The following NCKAP5 variants were observed in gnomAD, a reference collection of about 807,000 sequenced individuals.
NCKAP5 encodes the protein nck-associated protein 5.
NCKAP5 carries 92 observed loss-of-function variants against 167.0 expected under a neutral mutation model. The ratio of observed to expected loss-of-function variants is 0.55; its 90% CI spans 0.47 to 0.66. NCKAP5 has a LOEUF of 0.66. Ranked by LOEUF, NCKAP5 falls within the 30% of genes least tolerant of loss-of-function variation. The pLI, the probability that NCKAP5 is intolerant of heterozygous loss-of-function variation, is 0.00. For synonymous variants in NCKAP5, 891 were observed against 877.4 expected, an observed-to-expected ratio of 1.02 and a Z score of -0.27; for missense variants, 2,378 against 2,315.0, an observed-to-expected ratio of 1.03 and a Z score of -0.56.
intron 5 of NCKAP5, among the ~76,000 whole-genome samples, chr2:133,193,255 G>A (rs1049841531): frequency 2.0e-5 from 3 of 152,098 alleles, no homozygotes; most frequent in African/African-American, 7.2e-5. Flanking sequence ...AGGGCATGGG[G>A]AGAAGGGGAA....
intron 3 of NCKAP5, among the ~76,000 whole-genome samples, chr2:133,463,558 T>G (rs1433715045): frequency 6.6e-6 from 1 of 152,208 alleles, no homozygotes; most frequent in East Asian, 1.9e-4. Flanking sequence ...TGAGAACTAC[T>G]TGAAATAAAA....
intron 5 of NCKAP5, among the ~76,000 whole-genome samples, chr2:133,182,630 A>G (rs373952222): frequency 6.6e-6 from 1 of 152,306 alleles, no homozygotes; most frequent in East Asian, 1.9e-4. Flanking sequence ...AAGCAATGCC[A>G]TGAGGGAAAT....
At chr2:133,056,819 A>C (rs2079819159) in intron 6 of NCKAP5, among the ~76,000 whole-genome samples, 1 of 152,186 alleles carries the variant, frequency 6.6e-6, no homozygotes. Flanking sequence ...TTACACTTAG[A>C]TCTGTAGCTC....
intron 6 of NCKAP5, among the ~76,000 whole-genome samples, chr2:133,081,020 G>A (rs1342768778): frequency 1.3e-5 from 2 of 152,128 alleles, no homozygotes; most frequent in African/African-American, 2.4e-5. Context: ...TCTGCACAGT[G>A]TGGAGATACC....
At chr2:133,067,792 A>G (rs1340032399) in intron 6 of NCKAP5, among the ~76,000 whole-genome samples, 2 of 152,168 alleles carry the variant, frequency 1.3e-5, no homozygotes, top group Non-Finnish European at 2.9e-5. Flanking sequence ...TCCCTGGGAA[A>G]CAAACTCTGA....
chr2:132,955,423 C>A (rs72994869), intron 8 of NCKAP5, among the ~76,000 whole-genome samples: 2 of 152,074 alleles, frequency 1.3e-5, no homozygotes, highest in African/African-American at 4.8e-5. Flanking sequence ...GAGGCAGGGG[C>A]GCAGAAAGGT....
At chr2:133,163,674 G>A (rs2083889460) in intron 5 of NCKAP5, among the ~76,000 whole-genome samples, 3 of 152,214 alleles carry the variant, frequency 2.0e-5, no homozygotes, top group South Asian at 4.1e-4. Context: ...TAAAGGTGCA[G>A]TGAGGAACAG....
At chr2:133,012,654 T>C (rs1234268697) in intron 6 of NCKAP5, among the ~76,000 whole-genome samples, 1 of 152,140 alleles carries the variant, frequency 6.6e-6, no homozygotes, top group East Asian at 1.9e-4. Context: ...TTGCTCTCCC[T>C]TGCCTCCATG....
chr2:133,130,785 T>C (rs949536329), intron 5 of NCKAP5, among the ~76,000 whole-genome samples: 8 of 152,236 alleles, frequency 5.3e-5, no homozygotes, highest in Non-Finnish European at 2.9e-5. Context: ...AGCACACAGC[T>C]CAGATCCTCC....
chr2:132,852,784 C>T (rs11680119), intron 11 of NCKAP5, among the ~76,000 whole-genome samples: 26,425 of 152,108 alleles, frequency 0.17, 2,589 homozygotes, highest in East Asian at 0.31. Context: ...TTAGCTGTGA[C>T]CACACCCTAG....
chr2:132,723,138 G>GTTTTT (rs1165363788), intron 19 of NCKAP5, among the ~76,000 whole-genome samples: 1 of 133,422 alleles, frequency 7.5e-6, no homozygotes, highest in African/African-American at 3.0e-5. Context: ...GAGCCAGGTG[G>GTTTTT]TATTTTTTTT....
chr2:133,337,950 C>T (rs1480853872), intron 3 of NCKAP5, among the ~76,000 whole-genome samples: 3 of 152,148 alleles, frequency 2.0e-5, no homozygotes, highest in Non-Finnish European at 2.9e-5. Flanking sequence ...AGTTAATAAA[C>T]ACTATATAAT....
In NCKAP5 at chr2:133,462,069, T is replaced by C. The variant is rs539000712; in HGVS notation, c.69+55389A>G. On this transcript the variant is annotated intron_variant, in intron 3 of 19. Coordinates refer to ENST00000409261, the MANE Select transcript of NCKAP5 (RefSeq NM_207363.3). ...TTTGAAGTCTGGGTTAAAGTTGCAT[T>C]ATTTCACATAGGGAATGTATTTGCT... Among the ~76,000 whole-genome samples the C allele has an allele frequency of 8.9e-4, 135 of 152,350 alleles. 1 individual carries two copies. The highest frequency in any genetic ancestry group is 1.4e-3 in the Non-Finnish European group (97 of 68,030).
intron 12 of NCKAP5, among the ~76,000 whole-genome samples, chr2:132,794,700 CTCT>C (rs1684441880): frequency 6.8e-6 from 1 of 147,732 alleles, no homozygotes; most frequent in Non-Finnish European, 1.5e-5. Flanking sequence ...TGTGTCTTGG[CTCT>C]TCAACTAAGC....
chr2:133,398,789 G>C (rs1045562250), intron 3 of NCKAP5, among the ~76,000 whole-genome samples: 9 of 152,144 alleles, frequency 5.9e-5, no homozygotes, highest in African/African-American at 2.2e-4. Flanking sequence ...AACCAAGTGG[G>C]AAGGCAGCTC....
chr2:132,767,288 C>T (rs1486196555), intron 16 of NCKAP5, among the ~76,000 whole-genome samples: 3 of 151,836 alleles, frequency 2.0e-5, no homozygotes, highest in Non-Finnish European at 2.9e-5. Context: ...CTCTTGTTGC[C>T]CAGGCTGGAG....
intron 11 of NCKAP5, among the ~76,000 whole-genome samples, chr2:132,852,237 T>C (rs1689131453): frequency 6.6e-6 from 1 of 152,246 alleles, no homozygotes; most frequent in Non-Finnish European, 1.5e-5. Context: ...GGTTTTCTTA[T>C]GTGTTTGAAA....
the NCKAP5 span, among the ~76,000 whole-genome samples, chr2:133,628,924 GGGTAGCCATATTCGGAA>G: frequency 6.6e-6 from 1 of 152,158 alleles, no homozygotes; most frequent in Non-Finnish European, 1.5e-5. Flanking sequence ...TGGGAGAACT[GGGTAGCCATATTCGGAA>G]GATTGAAACT....
rs1045752512 is a variant in NCKAP5, at chr2:133,246,558, G to A, written c.144-32779C>T. On this transcript the variant is annotated intron_variant, in intron 4 of 19. Transcript: ENST00000409261. ...AATCAGTGGGTAAGACATGGTGTGG[G>A]CAACGTAAGGAATACATACAATGGC... Among the ~76,000 whole-genome samples, 15 of 152,306 alleles carry A rather than the reference G, an allele frequency of 9.8e-5. 1 individual carries two copies. The highest frequency in any genetic ancestry group is 9.2e-4 in the Admixed American group (14 of 15,300).
Sources: gnomAD v4.1 joint callset for allele counts (sites outside exome capture counted in the v4.1 genomes callset) on GRCh38, gnomAD v4.1.1 for gene constraint, MANE v1.5 for transcripts, NCBI Gene and HGNC (gene_info 2026-07-23, HGNC 2026-07-21) for gene names.